Variants in IMPG1 observed in about 807,000 individuals in gnomAD.
IMPG1 encodes interphotoreceptor matrix proteoglycan of 150 kDa.
Under a neutral mutation model 92.0 loss-of-function variants are expected in IMPG1, and 85 were observed. The ratio of observed to expected loss-of-function variants is 0.92; its 90% CI spans 0.78 to 1.11. The LOEUF is 1.11. Ranked by LOEUF, IMPG1 falls within the 50% of genes least tolerant of loss-of-function variation. The pLI is 0.00. For synonymous variants in IMPG1, 367 were observed against 334.1 expected (o/e 1.10, Z -1.08); for missense variants, 1,022 against 956.0 (o/e 1.07, Z -0.91).
At chr6:76,025,014 C>T in intron 5 of IMPG1, 180 bp downstream of exon 5, 1 of 631,518 alleles carries the variant, frequency 1.6e-6, no homozygotes, top group Non-Finnish European at 2.9e-6. Context: ...TTATTCTTTT[C>T]TGTATTTTCC....
intron 12 of IMPG1, among the ~76,000 whole-genome samples, chr6:75,982,476 G>T (rs1782642362): frequency 6.6e-6 from 1 of 151,436 alleles, no homozygotes; most frequent in South Asian, 2.1e-4. Flanking sequence ...GGAGGCGGAG[G>T]TTGCAGTGAG....
chr6:75,991,962 G>A (rs1452142441), intron 12 of IMPG1, among the ~76,000 whole-genome samples: 3 of 152,192 alleles, frequency 2.0e-5, no homozygotes, highest in African/African-American at 7.2e-5. Flanking sequence ...CTAGGGCACA[G>A]TACCCAGATA....
intron 4 of IMPG1, 106 bp from the exon 5 acceptor site, chr6:76,025,364 GA>G: frequency 1.9e-6 from 1 of 527,588 alleles, no homozygotes. Flanking sequence ...AAAGTTATAG[GA>G]AAAGCATACT....
chr6:75,922,050 C>T lies in IMPG1; in HGVS notation c.*39G>A. 1.1e-6 allele frequency: 1 copy of T among 929,138 alleles called. No individual in the cohort carries two copies. The highest frequency in any genetic ancestry group is 1.7e-6 in the Non-Finnish European group (1 of 580,654). 57.6% of individuals were successfully genotyped at this position (929,138 alleles called of 1,614,324 possible). On this transcript the variant is annotated 3_prime_UTR_variant, in exon 17 of 17. Transcript: ENST00000369950. ...TTCCTTGAGAAGGCAAATCATCTCT[C>T]TTGAGATAGCCTAAATGATAATTGT...
chr6:76,024,819 G>T, intron 5 of IMPG1: 1 of 319,356 alleles, frequency 3.1e-6, no homozygotes, highest in South Asian at 2.7e-5. Context: ...TAACTTTGAA[G>T]AAATTTTAGT....
intron 1 of IMPG1, among the ~76,000 whole-genome samples, chr6:76,055,990 C>A (rs1784114176): frequency 6.6e-6 from 1 of 151,906 alleles, no homozygotes; most frequent in Non-Finnish European, 1.5e-5. Context: ...AAATGTAATT[C>A]CATTTTCCTA....
At chr6:75,973,536 T>G (rs920584071) in intron 12 of IMPG1, among the ~76,000 whole-genome samples, 7 of 152,226 alleles carry the variant, frequency 4.6e-5, no homozygotes, top group Non-Finnish European at 7.4e-5. Flanking sequence ...TTGTACATAT[T>G]AACCCAATCT....
At chr6:75,942,578 TC>T (rs966357916) in intron 14 of IMPG1, among the ~76,000 whole-genome samples, 95 of 152,318 alleles carry the variant, frequency 6.2e-4, no homozygotes, top group African/African-American at 2.1e-3. Context: ...TTATCTTCAC[TC>T]CGGATCCAGG....
chr6:76,027,688 T>G (rs972523357), intron 4 of IMPG1, among the ~76,000 whole-genome samples: 2 of 152,144 alleles, frequency 1.3e-5, no homozygotes, highest in Admixed American at 6.5e-5. Context: ...TATTATATGG[T>G]TTTTTCCGTA....
chr6:75,938,911 T>C (rs577074933), intron 14 of IMPG1, among the ~76,000 whole-genome samples: 9 of 152,274 alleles, frequency 5.9e-5, no homozygotes, highest in East Asian at 1.9e-4. Flanking sequence ...ACTTTTTTTT[T>C]CCCCAAGACA....
Position 76,034,343 on chromosome 6 carries a change from T to G in IMPG1, c.469A>C (p.Arg157=), listed in dbSNP as rs1208530076. ...SQEHLDLLQQ[R]IKQRSFPDRK... ...TCAGGGAAACTTCTCTGTTTTATTC[T>G]CTGCAAAAAGATAAAGATAAAATGT... Residue 157 remains arginine (R), a splice_region_variant and synonymous_variant, in exon 4 of 17, where the codon AGA becomes CGA. Transcript: ENST00000369950. 8.1e-6 allele frequency: 13 copies of G among 1,612,730 alleles called. No homozygotes were observed. Among genetic ancestry groups the G allele is most frequent in the Non-Finnish European group, 1.1e-5 (13 of 1,178,820 alleles).
chr6:75,931,183 T>TATG, intron 14 of IMPG1, 32 bp from the exon 15 acceptor site: 1 of 1,572,546 alleles, frequency 6.4e-7, no homozygotes. Flanking sequence ...TTAACGCATG[T>TATG]ATGAATAGCT....
intron 12 of IMPG1, among the ~76,000 whole-genome samples, chr6:75,998,785 C>T (rs1446102682): frequency 1.3e-5 from 2 of 152,160 alleles, no homozygotes; most frequent in Non-Finnish European, 2.9e-5. Context: ...TATTTTTGAA[C>T]AAGTTGGATA....
At chr6:75,992,581 C>A (rs753385578) in intron 12 of IMPG1, among the ~76,000 whole-genome samples, 59 of 152,288 alleles carry the variant, frequency 3.9e-4, no homozygotes, top group South Asian at 1.0e-3. Context: ...AAATACAGAA[C>A]AAAATCCTCC....
intron 12 of IMPG1, among the ~76,000 whole-genome samples, chr6:75,970,097 C>A (rs1782380012): frequency 6.6e-6 from 1 of 152,058 alleles, no homozygotes; most frequent in African/African-American, 2.4e-5. Context: ...TATTTGGCAC[C>A]TTTATGTTCT....
At chr6:76,020,914 C>T (rs915867583) in intron 6 of IMPG1, among the ~76,000 whole-genome samples, 2 of 152,196 alleles carry the variant, frequency 1.3e-5, no homozygotes, top group Non-Finnish European at 2.9e-5. Flanking sequence ...AAACATGTCT[C>T]TTTGCCATAT....
intron 4 of IMPG1, among the ~76,000 whole-genome samples, chr6:76,027,336 C>T (rs1282779600): frequency 6.6e-6 from 1 of 152,034 alleles, no homozygotes; most frequent in Non-Finnish European, 1.5e-5. Flanking sequence ...TTAATTACAC[C>T]CTTAACTAAA....
intron 12 of IMPG1, among the ~76,000 whole-genome samples, chr6:75,985,314 G>A (rs1782695735): frequency 6.6e-6 from 1 of 152,184 alleles, no homozygotes; most frequent in African/African-American, 2.4e-5. Context: ...TGGCAGAGAG[G>A]ATGCAGTAGG....
intron 2 of IMPG1, among the ~76,000 whole-genome samples, chr6:76,036,611 T>C (rs1783746173): frequency 6.6e-6 from 1 of 152,224 alleles, no homozygotes; most frequent in South Asian, 2.1e-4. Flanking sequence ...AAAAGTATTT[T>C]AGAGCAATCA....
Sources: allele counts gnomAD v4.1 joint callset (sites outside exome capture counted in the v4.1 genomes callset), GRCh38; gene constraint gnomAD v4.1.1; transcripts MANE v1.5; gene names NCBI Gene and HGNC (gene_info 2026-07-23, HGNC 2026-07-21).